Variants in SIPA1L2 observed in about 807,000 individuals in gnomAD.
The protein encoded by SIPA1L2 is signal induced proliferation associated 1 like 2, also known as signal-induced proliferation-associated 1-like protein 2.
Under a neutral mutation model 163.9 loss-of-function variants are expected in SIPA1L2, and 56 were observed. The ratio of observed to expected loss-of-function variants is 0.34; its 90% CI spans 0.28 to 0.43. The LOEUF is 0.43. Ranked by LOEUF, SIPA1L2 falls within the 20% of genes least tolerant of loss-of-function variation. SIPA1L2 has a pLI of 1.00. For synonymous variants in SIPA1L2, 877 were observed against 865.7 expected (o/e 1.01, Z -0.23); for missense variants, 1,974 against 2,193.5 (o/e 0.90, Z 2.00).
intron 2 of SIPA1L2, among the ~76,000 whole-genome samples, chr1:232,529,576 C>T (rs1456757917): frequency 2.0e-5 from 3 of 152,276 alleles, no homozygotes; most frequent in Non-Finnish European, 2.9e-5. Flanking sequence ...GAATGCCCTG[C>T]TAAGATTTCC....
chr1:232,551,591 G>T (rs142376139), intron 2 of SIPA1L2, among the ~76,000 whole-genome samples: 1 of 152,238 alleles, frequency 6.6e-6, no homozygotes, highest in Admixed American at 6.5e-5. Context: ...AGGCCCCAGT[G>T]GGGGAGGTGA....
chr1:232,578,808 G>A (rs1329057544), intron 1 of SIPA1L2, among the ~76,000 whole-genome samples: 1 of 152,148 alleles, frequency 6.6e-6, no homozygotes, highest in African/African-American at 2.4e-5. Flanking sequence ...TGACAGGAAA[G>A]GAAACCACAA....
intron 1 of SIPA1L2, among the ~76,000 whole-genome samples, chr1:232,610,223 A>G (rs948825800): frequency 6.6e-6 from 1 of 152,170 alleles, no homozygotes; most frequent in Non-Finnish European, 1.5e-5. Flanking sequence ...TATTATTTAT[A>G]TTCTCAGAAG....
intron 10 of SIPA1L2, among the ~76,000 whole-genome samples, chr1:232,454,003 T>C (rs1255406512): frequency 6.6e-6 from 1 of 152,158 alleles, no homozygotes; most frequent in Admixed American, 6.5e-5. Context: ...CTCCAAATTA[T>C]CCAACAAGGT....
intron 1 of SIPA1L2, among the ~76,000 whole-genome samples, chr1:232,576,744 C>T (rs1235148620): frequency 1.3e-5 from 2 of 152,160 alleles, no homozygotes; most frequent in African/African-American, 4.8e-5. Context: ...AAAAGTGGTA[C>T]TTCAGTGAAC....
At chr1:232,484,551 G>C (rs1197505863) in intron 5 of SIPA1L2, among the ~76,000 whole-genome samples, 1 of 152,028 alleles carries the variant, frequency 6.6e-6, no homozygotes. Context: ...AGTAACTCTG[G>C]CTTACGATTA....
intron 21 of SIPA1L2, 78 bp downstream of exon 21, chr1:232,403,370 A>T: frequency 1.3e-6 from 2 of 1,550,882 alleles, no homozygotes; most frequent in Non-Finnish European, 1.7e-6. Context: ...CGCCTGGCTC[A>T]GGGTTAGTCG....
At chr1:232,628,449 T>C (rs1455901238) in intron 1 of SIPA1L2, among the ~76,000 whole-genome samples, 2 of 152,350 alleles carry the variant, frequency 1.3e-5, no homozygotes, top group Non-Finnish European at 1.5e-5. Flanking sequence ...AAACATCTTT[T>C]AACTGGAAAT....
intron 2 of SIPA1L2, among the ~76,000 whole-genome samples, chr1:232,570,472 G>A (rs1444263862): frequency 6.6e-6 from 1 of 152,120 alleles, no homozygotes; most frequent in Non-Finnish European, 1.5e-5. Flanking sequence ...GGAGAATAAA[G>A]GTCACTGCAA....
intron 2 of SIPA1L2, among the ~76,000 whole-genome samples, chr1:232,528,690 C>G (rs564945821): frequency 6.6e-6 from 1 of 152,282 alleles, no homozygotes; most frequent in Non-Finnish European, 1.5e-5. Flanking sequence ...GGCTTACAAT[C>G]AAGTGTGGCA....
intron 2 of SIPA1L2, among the ~76,000 whole-genome samples, chr1:232,535,985 T>C (rs957477401): frequency 6.6e-6 from 1 of 152,182 alleles, no homozygotes; most frequent in Non-Finnish European, 1.5e-5. Context: ...CTAAAACAGG[T>C]GAGAATTCTC....
Position 232,497,070 on chromosome 1 carries a change from A to T in SIPA1L2, c.1484-3410T>A, listed in dbSNP as rs111668156. On this transcript the variant is annotated intron_variant, in intron 3 of 22. Coordinates refer to ENST00000674635, the MANE Select transcript of SIPA1L2 (RefSeq NM_020808.5). ...AAAATCAAATCACTAATTCTAATACATGACAACATAAAATGATCATATGTG... is the reference window on the plus strand; with the variant it reads ...AAAATCAAATCACTAATTCTAATACTTGACAACATAAAATGATCATATGTG... Among the ~76,000 whole-genome samples the T allele has an allele frequency of 7.1e-4, 108 of 152,256 alleles. 2 individuals are homozygous for T. The highest frequency in any genetic ancestry group is 2.5e-3 in the African/African-American group (103 of 41,508).
intron 10 of SIPA1L2, 118 bp downstream of exon 10, chr1:232,460,769 C>T (rs1664190388): frequency 3.2e-6 from 4 of 1,241,686 alleles, no homozygotes; most frequent in Non-Finnish European, 4.4e-6. Context: ...CATCCCAGAA[C>T]ACTGTACAAA....
At chr1:232,474,306 C>G (rs895623999) in intron 7 of SIPA1L2, among the ~76,000 whole-genome samples, 1 of 152,168 alleles carries the variant, frequency 6.6e-6, no homozygotes, top group African/African-American at 2.4e-5. Flanking sequence ...ATAGTCATTT[C>G]TACTAAATTT....
chr1:232,600,468 A>G (rs1305268889), intron 1 of SIPA1L2, among the ~76,000 whole-genome samples: 4 of 152,204 alleles, frequency 2.6e-5, no homozygotes, highest in Non-Finnish European at 5.9e-5. Context: ...TTACCCGCTG[A>G]GAAATGAAAG....
At chr1:232,533,800 GAAC>G (rs1454070719) in intron 2 of SIPA1L2, among the ~76,000 whole-genome samples, 3 of 152,138 alleles carry the variant, frequency 2.0e-5, no homozygotes, top group South Asian at 2.1e-4. Flanking sequence ...ATCTAAAGCT[GAAC>G]AACGAGTTAA....
Position 232,403,509 on chromosome 1 carries a change from C to T in SIPA1L2, c.4879G>A (p.Ala1627Thr), listed in dbSNP as rs377108333. The T allele has an allele frequency of 8.7e-6, 14 of 1,614,134 alleles. No homozygotes were observed. In the East Asian group the frequency reaches 2.5e-4, roughly 28 times the overall value. Residue 1627 changes from alanine to threonine, a missense_variant, in exon 21 of 23, where the codon GCC becomes ACC. This residue lies in a region of SIPA1L2 where 1,079 missense variants were observed against 1,150.7 expected (regional missense o/e 0.94). Coordinates refer to ENST00000674635, the MANE Select transcript of SIPA1L2 (RefSeq NM_020808.5). ...TCTACACATAAGGGCAGCTCTTGGG[C>T]CCCTTCCAGGTCCTGCCCATGCTGC... ...DMQHGQDLEG[A>T]QELPLCVDPG...
intron 2 of SIPA1L2, among the ~76,000 whole-genome samples, chr1:232,557,363 A>G (rs894664149): frequency 2.0e-5 from 3 of 152,194 alleles, no homozygotes; most frequent in African/African-American, 7.2e-5. Flanking sequence ...CAATAGTGGA[A>G]GCCACATACA....
At chr1:232,612,922 T>C (rs974158665) in intron 1 of SIPA1L2, among the ~76,000 whole-genome samples, 21 of 151,562 alleles carry the variant, frequency 1.4e-4, no homozygotes, top group African/African-American at 4.2e-4. Context: ...CTCCCATAAT[T>C]CCTACACGTT....
Sources: gnomAD v4.1 joint callset for allele counts (sites outside exome capture counted in the v4.1 genomes callset) on GRCh38, gnomAD v4.1.1 for gene constraint, gnomAD v4.1.1 regional missense constraint, MANE v1.5 for transcripts, NCBI Gene and HGNC (gene_info 2026-07-23, HGNC 2026-07-21) for gene names.